ATRNL1: variants seen among roughly 807,000 people sequenced by gnomAD.
ATRNL1 encodes the protein attractin-like protein 1.
ATRNL1 carries 95 observed loss-of-function variants against 182.7 expected under a neutral mutation model. The observed-to-expected ratio is 0.52, with a 90% CI of 0.44 to 0.62. ATRNL1 has a LOEUF of 0.62. ATRNL1 is among the 20% of genes least tolerant of loss of function. ATRNL1 has a pLI of 0.00. For missense variants in ATRNL1, 1,471 were observed against 1,679.5 expected (o/e 0.88, Z 2.17); for synonymous variants, 576 against 568.3 (o/e 1.01, Z -0.19).
rs545108926 is a variant in ATRNL1, at chr10:115,404,366, C to T, written c.3269+9614C>T. 2.0e-5 allele frequency among the ~76,000 whole-genome samples: 3 copies of T among 152,306 alleles called. No homozygotes were observed. In the South Asian group the frequency reaches 6.2e-4, roughly 32 times the overall value. ...GTCCGGTAGACAGAAGTAACACCCA[C>T]CACTTCTAGGCCTGGCTCTTAAAAA... On this transcript the variant is annotated intron_variant, in intron 20 of 28. Transcript: ENST00000355044.
rs1378254548 is a variant in ATRNL1 at position 115,467,263 on chromosome 10, G to A, written c.3496+11G>A. On this transcript the variant is annotated intron_variant, in intron 23 of 28. Coordinates refer to ENST00000355044, the MANE Select transcript of ATRNL1 (RefSeq NM_207303.4). ...CTGTCGGTTCAACAGGTAAAAAAAT[G>A]TTGATGTCATATCTCTTTTACATGT... 1.3e-6 allele frequency: 2 copies of A among 1,578,802 alleles called. No homozygotes were observed. The highest frequency in any genetic ancestry group is 1.4e-5 in the African/African-American group (1 of 73,524).
At chr10:115,889,078 G>A (rs1952018247) in intron 28 of ATRNL1, among the ~76,000 whole-genome samples, 1 of 152,162 alleles carries the variant, frequency 6.6e-6, no homozygotes, top group African/African-American at 2.4e-5. Flanking sequence ...ATCACTTTCA[G>A]AACACTAAAG....
At chr10:115,245,332 C>G (rs1850582936) in intron 10 of ATRNL1, among the ~76,000 whole-genome samples, 3 of 151,664 alleles carry the variant, frequency 2.0e-5, no homozygotes, top group East Asian at 1.9e-4. Flanking sequence ...AACCCCGTCT[C>G]TACTAAAAAT....
intron 24 of ATRNL1, among the ~76,000 whole-genome samples, chr10:115,488,959 T>C (rs1849163227): frequency 6.6e-6 from 1 of 152,186 alleles, no homozygotes; most frequent in Non-Finnish European, 1.5e-5. Context: ...ACCATCTTTC[T>C]TTCTATCTTA....
intron 1 of ATRNL1, among the ~76,000 whole-genome samples, chr10:115,105,376 G>C (rs1843961218): frequency 6.6e-6 from 1 of 152,172 alleles, no homozygotes; most frequent in South Asian, 2.1e-4. Context: ...AAGGGAAACA[G>C]AGCATAAAAA....
chr10:115,598,164 A>T (rs542856075), intron 26 of ATRNL1, among the ~76,000 whole-genome samples: 1 of 151,706 alleles, frequency 6.6e-6, no homozygotes, highest in African/African-American at 2.4e-5. Flanking sequence ...GCGATAAAAC[A>T]ATAGCATCAG....
chr10:115,708,111 A>G (rs1691078244), intron 26 of ATRNL1, among the ~76,000 whole-genome samples: 1 of 151,680 alleles, frequency 6.6e-6, no homozygotes, highest in Admixed American at 6.6e-5. Context: ...TACTGCACTA[A>G]TATTGAAAAG....
intron 27 of ATRNL1, among the ~76,000 whole-genome samples, chr10:115,762,753 A>G (rs879962414): frequency 1.4e-4 from 22 of 152,216 alleles, no homozygotes; most frequent in Non-Finnish European, 2.5e-4. Flanking sequence ...CTAATGACAT[A>G]AAAGTTTTAA....
intron 26 of ATRNL1, among the ~76,000 whole-genome samples, chr10:115,725,028 T>G (rs1053778284): frequency 6.6e-6 from 1 of 152,214 alleles, no homozygotes; most frequent in Non-Finnish European, 1.5e-5. Context: ...AATTTATTTG[T>G]CTAATTCTTT....
At chr10:115,491,452 G>A (rs1463708620) in intron 24 of ATRNL1, among the ~76,000 whole-genome samples, 2 of 152,070 alleles carry the variant, frequency 1.3e-5, no homozygotes, top group African/African-American at 4.8e-5. Flanking sequence ...GCACAGAGTG[G>A]AGGAATCTAG....
chr10:115,147,383 A>G (rs1846019529), intron 5 of ATRNL1, among the ~76,000 whole-genome samples: 1 of 152,104 alleles, frequency 6.6e-6, no homozygotes, highest in Non-Finnish European at 1.5e-5. Flanking sequence ...TGTCAGTAAC[A>G]TAGTTTTCAA....
chr10:115,848,083 C>A, intron 28 of ATRNL1, 92 bp downstream of exon 28: 3 of 729,908 alleles, frequency 4.1e-6, no homozygotes, highest in South Asian at 3.2e-5. Flanking sequence ...CAGTAAGGAC[C>A]TTTGCAAGGT....
intron 26 of ATRNL1, among the ~76,000 whole-genome samples, chr10:115,562,416 A>T (rs1343312282): frequency 6.6e-6 from 1 of 152,188 alleles, no homozygotes; most frequent in Non-Finnish European, 1.5e-5. Flanking sequence ...GTACAGCTTT[A>T]TGAAAAATTT....
At chr10:115,584,869 T>C (rs28804999) in intron 26 of ATRNL1, among the ~76,000 whole-genome samples, 5,697 of 151,358 alleles carry the variant, frequency 0.038, 188 homozygotes, top group East Asian at 0.15. Flanking sequence ...CTTTCCTGCT[T>C]CCTCTTGTGG....
Position 115,281,364 on chromosome 10 carries a change from A to G in ATRNL1, c.2110A>G (p.Asn704Asp). 1 of 1,612,190 alleles carries G rather than the reference A, an allele frequency of 6.2e-7. No homozygotes were observed. Among genetic ancestry groups the G allele is most frequent in the Non-Finnish European group, 8.5e-7 (1 of 1,179,080 alleles). Residue 704 changes from asparagine (N) to aspartate (D), a missense_variant, in exon 14 of 29, where the codon AAC becomes GAC. This residue lies in a region of ATRNL1 where 1,031 missense variants were observed against 1,156.0 expected (regional missense o/e 0.89). Coordinates refer to ENST00000355044, the MANE Select transcript of ATRNL1 (RefSeq NM_207303.4). ...TCTTTTAATTTTGTAGTCTGTCAAG[A>G]ACTACACCAAATGTCATGTGAGAAA... is the stretch of plus-strand genomic sequence containing the variant. Reference protein sequence around the residue: ...ANSNCSMSVKNYTKCHVRNEQ... With the variant: ...ANSNCSMSVKDYTKCHVRNEQ...
chr10:115,659,767 A>C (rs1860559657), intron 26 of ATRNL1, among the ~76,000 whole-genome samples: 1 of 152,100 alleles, frequency 6.6e-6, no homozygotes, highest in Non-Finnish European at 1.5e-5. Flanking sequence ...AGTGAGTAAG[A>C]ATTAGACCCG....
At chr10:115,746,542 G>A (rs1291983158) in intron 27 of ATRNL1, among the ~76,000 whole-genome samples, 1 of 151,920 alleles carries the variant, frequency 6.6e-6, no homozygotes, top group Admixed American at 6.6e-5. Context: ...TGTAGGTTTT[G>A]CATAATGGAA....
At chr10:115,496,331 T>C (rs559439252) in intron 24 of ATRNL1, among the ~76,000 whole-genome samples, 3 of 152,300 alleles carry the variant, frequency 2.0e-5, no homozygotes, top group African/African-American at 7.2e-5. Flanking sequence ...AGTAATGGTC[T>C]TTTTTCTCCA....
At position 115,171,308 on chromosome 10, in the gene ATRNL1, A is replaced by G; in HGVS notation, c.1348+16A>G. ...TACCATATCTGTGAGTTACTTAAAA[A>G]TTGTAATTTCTTTATTGATTGGGAA... On this transcript the variant is annotated intron_variant, in intron 8 of 28. Transcript: ENST00000355044. 2 of 1,529,132 alleles carry G rather than the reference A, an allele frequency of 1.3e-6. No homozygotes were observed. Among genetic ancestry groups the G allele is most frequent in the South Asian group, 2.6e-5 (2 of 78,000 alleles). 94.7% of individuals were successfully genotyped at this position (1,529,132 alleles called of 1,614,324 possible). A position where few individuals can be genotyped will look rare whatever the true frequency, so the allele number is the denominator to read the frequency against.
Sources: gnomAD v4.1 joint callset for allele counts (sites outside exome capture counted in the v4.1 genomes callset) on GRCh38, gnomAD v4.1.1 for gene constraint, gnomAD v4.1.1 regional missense constraint, MANE v1.5 for transcripts, NCBI Gene and HGNC (gene_info 2026-07-23, HGNC 2026-07-21) for gene names.